Variants in ZNF804B observed in about 807,000 individuals in gnomAD.
ZNF804B encodes zinc finger 804B.
ZNF804B carries 80 observed loss-of-function variants against 101.4 expected under a neutral mutation model. The observed-to-expected ratio is 0.79, with a 90% CI of 0.66 to 0.95. The LOEUF is 0.95. ZNF804B is among the 40% of genes least tolerant of loss of function. The pLI is 0.00. For missense variants in ZNF804B, 1,673 were observed against 1,561.9 expected (o/e 1.07, Z -1.20); for synonymous variants, 622 against 558.8 (o/e 1.11, Z -1.59).
At chr7:88,776,994 G>C (rs1790151617) in intron 1 of ZNF804B, among the ~76,000 whole-genome samples, 1 of 152,134 alleles carries the variant, frequency 6.6e-6, no homozygotes, top group Non-Finnish European at 1.5e-5. Context: ...ATTGCAGGAA[G>C]TCACTATTGC....
At chr7:89,256,909 G>A (rs937537654) in intron 2 of ZNF804B, among the ~76,000 whole-genome samples, 1 of 152,062 alleles carries the variant, frequency 6.6e-6, no homozygotes. Flanking sequence ...ATTCAGGTGT[G>A]TTTACAATTA....
At chr7:88,923,125 G>A (rs1792748535) in intron 1 of ZNF804B, among the ~76,000 whole-genome samples, 1 of 151,998 alleles carries the variant, frequency 6.6e-6, no homozygotes, top group African/African-American at 2.4e-5. Flanking sequence ...AGATAAGATG[G>A]TTGCAGGCTT....
At chr7:88,832,524 G>A (rs141101120) in intron 1 of ZNF804B, among the ~76,000 whole-genome samples, 85 of 151,936 alleles carry the variant, frequency 5.6e-4, no homozygotes, top group Non-Finnish European at 9.9e-4. Flanking sequence ...TGAGATAAAA[G>A]CGGGAGCTAT....
chr7:88,864,674 A>G (rs1281336223), intron 1 of ZNF804B, among the ~76,000 whole-genome samples: 1 of 152,112 alleles, frequency 6.6e-6, no homozygotes, highest in Admixed American at 6.6e-5. Context: ...CGGGTACCCT[A>G]TGGAGAAGTA....
At chr7:89,031,122 A>C (rs1362177071) in intron 1 of ZNF804B, among the ~76,000 whole-genome samples, 5 of 151,968 alleles carry the variant, frequency 3.3e-5, no homozygotes, top group Non-Finnish European at 5.9e-5. Flanking sequence ...ATACTTATGT[A>C]ACAAACCTGC....
rs188853984 is a variant in ZNF804B, at chr7:89,183,848, G to T, written c.109-34307G>T. Among the ~76,000 whole-genome samples, 1,237 of 152,216 alleles carry T rather than the reference G, an allele frequency of 8.1e-3. 12 individuals carry two copies. Among genetic ancestry groups the T allele is most frequent in the African/African-American group, 0.028 (1,168 of 41,540 alleles). ...ATACAGCTTCCAAATTCAGGATCTT[G>T]TCGGGAGGCATGAGTCATTCAGAAT... On this transcript the variant is annotated intron_variant, in intron 1 of 3. Coordinates refer to ENST00000333190, the MANE Select transcript of ZNF804B (RefSeq NM_181646.5).
chr7:88,866,408 T>C lies in ZNF804B; in HGVS notation c.108+106324T>C, dbSNP rs1791728537. Among the ~76,000 whole-genome samples the C allele has an allele frequency of 2.0e-5, 3 of 152,252 alleles. No homozygotes were observed. The South Asian group carries it at 6.2e-4, about 32-fold the overall frequency. On this transcript the variant is annotated intron_variant, in intron 1 of 3. Coordinates refer to ENST00000333190, the MANE Select transcript of ZNF804B (RefSeq NM_181646.5). ...CTTGGTTAACAGAATGTGAAAGAAA[T>C]ACCTGAAAGGAGGTGAAAAGCTTCC...
chr7:89,035,885 A>G (rs1001346713), intron 1 of ZNF804B, among the ~76,000 whole-genome samples: 1 of 145,686 alleles, frequency 6.9e-6, no homozygotes, highest in African/African-American at 2.5e-5. Flanking sequence ...ATATATTCAT[A>G]TACATTATAT....
At chr7:88,794,630 C>T (rs749960309) in intron 1 of ZNF804B, 23 of 1,613,502 alleles carry the variant, frequency 1.4e-5, no homozygotes, top group South Asian at 2.2e-5. Context: ...TAGAGAGTGT[C>T]GCTGGAGGAC....
At chr7:89,158,979 C>A (rs1791018274) in intron 1 of ZNF804B, among the ~76,000 whole-genome samples, 1 of 151,988 alleles carries the variant, frequency 6.6e-6, no homozygotes, top group African/African-American at 2.4e-5. Flanking sequence ...TGGTAATTCC[C>A]AGAATAACTT....
At chr7:89,119,947 A>G (rs1364532230) in intron 1 of ZNF804B, among the ~76,000 whole-genome samples, 1 of 146,294 alleles carries the variant, frequency 6.8e-6, no homozygotes, top group Non-Finnish European at 1.5e-5. Context: ...TGACTTGTGT[A>G]GCACCTTTTT....
chr7:89,172,305 A>C (rs1475995844), intron 1 of ZNF804B, among the ~76,000 whole-genome samples: 1 of 152,180 alleles, frequency 6.6e-6, no homozygotes, highest in Non-Finnish European at 1.5e-5. Context: ...AGTTTGCAGT[A>C]GTAAAAGAGT....
chr7:89,067,813 T>C (rs1038846892), intron 1 of ZNF804B, among the ~76,000 whole-genome samples: 1 of 141,066 alleles, frequency 7.1e-6, no homozygotes, highest in African/African-American at 2.8e-5. Context: ...TATGCTAATT[T>C]TTTTCTTTTC....
At chr7:89,171,404 T>C (rs138407546) in intron 1 of ZNF804B, among the ~76,000 whole-genome samples, 3,285 of 78,060 alleles carry the variant, frequency 0.042, 99 homozygotes, top group African/African-American at 0.06. Context: ...CCTCTTCTTC[T>C]TCTTCTTCTT....
intron 1 of ZNF804B, among the ~76,000 whole-genome samples, chr7:89,156,072 C>CTTTCTTTCTT: frequency 2.1e-5 from 1 of 46,538 alleles, no homozygotes; most frequent in South Asian, 8.6e-4. Flanking sequence ...TTCTTTCTTT[C>CTTTCTTTCTT]TCTCTTTCTC....
intron 1 of ZNF804B, among the ~76,000 whole-genome samples, chr7:88,848,615 C>A (rs1297984946): frequency 6.9e-6 from 1 of 145,798 alleles, no homozygotes; most frequent in Admixed American, 6.8e-5. Flanking sequence ...TATGAAAATG[C>A]ATTTTCTTTT....
chr7:89,271,051 C>T (rs961954493), intron 2 of ZNF804B, among the ~76,000 whole-genome samples: 3 of 152,074 alleles, frequency 2.0e-5, no homozygotes, highest in African/African-American at 7.2e-5. Flanking sequence ...AATTGAATAC[C>T]CTTTATTTCT....
intron 1 of ZNF804B, among the ~76,000 whole-genome samples, chr7:88,973,917 G>A (rs1156954157): frequency 6.6e-6 from 1 of 151,210 alleles, no homozygotes; most frequent in Non-Finnish European, 1.5e-5. Flanking sequence ...TCTTTTTCCT[G>A]TTCTTATGAG....
At chr7:89,142,251 C>T (rs1157348856) in intron 1 of ZNF804B, among the ~76,000 whole-genome samples, 2 of 151,626 alleles carry the variant, frequency 1.3e-5, no homozygotes, top group Non-Finnish European at 2.9e-5. Flanking sequence ...AAGGTTTCTT[C>T]AGGGTTTCTT....
Sources: allele counts gnomAD v4.1 joint callset (sites outside exome capture counted in the v4.1 genomes callset), GRCh38; gene constraint gnomAD v4.1.1; transcripts MANE v1.5; gene names NCBI Gene and HGNC (gene_info 2026-07-23, HGNC 2026-07-21).